Variants in PDE4D observed in about 807,000 individuals in gnomAD.
PDE4D encodes the protein phosphodiesterase 4D, also known as 3',5'-cyclic-AMP phosphodiesterase 4D.
Under a neutral mutation model 87.4 loss-of-function variants are expected in PDE4D, and 24 were observed. The ratio of observed to expected loss-of-function variants is 0.27; its 90% CI spans 0.20 to 0.39. The LOEUF (loss-of-function observed/expected upper bound fraction) is 0.39. Ranked by LOEUF, PDE4D falls within the 10% of genes least tolerant of loss-of-function variation. PDE4D has a pLI of 1.00. For synonymous variants in PDE4D, 384 were observed against 383.2 expected (o/e 1.00, Z -0.02); for missense variants, 714 against 1,041.0 (o/e 0.69, Z 4.32).
chr5:59,284,964 A>C lies in PDE4D; in HGVS notation c.456-68996T>G, dbSNP rs1766599415. Reference sequence around the variant, plus strand: ...ATTCTCAGTAAACTATCGCAAGAACAAAAAACCAAACACCGCATATTCTCA... The same window carrying C: ...ATTCTCAGTAAACTATCGCAAGAACCAAAAACCAAACACCGCATATTCTCA... On this transcript the variant is annotated intron_variant, in intron 1 of 14. Transcript: ENST00000340635. Among the ~76,000 whole-genome samples, 16 of 73,526 alleles carry C rather than the reference A, an allele frequency of 2.2e-4. 1 individual carries two copies. The South Asian group carries it at 9.9e-3, about 45-fold the overall frequency. The allele number at this position is 73,526 out of a possible 152,430, so 48.2% of individuals were successfully genotyped here.
intron 1 of PDE4D, among the ~76,000 whole-genome samples, chr5:59,648,544 T>C (rs1742849571): frequency 6.6e-6 from 1 of 152,156 alleles, no homozygotes; most frequent in African/African-American, 2.4e-5. Context: ...GAAAACACTC[T>C]TAAATATTAA....
At chr5:59,540,215 C>T (rs1488256475) in intron 1 of PDE4D, among the ~76,000 whole-genome samples, 2 of 152,128 alleles carry the variant, frequency 1.3e-5, no homozygotes, top group Non-Finnish European at 2.9e-5. Flanking sequence ...TTCTATCAGG[C>T]ATTTTGACAT....
At chr5:59,607,878 C>A (rs1368393218) in intron 1 of PDE4D, among the ~76,000 whole-genome samples, 1 of 152,060 alleles carries the variant, frequency 6.6e-6, no homozygotes, top group Non-Finnish European at 1.5e-5. Context: ...ATCACTGGTA[C>A]AATAAGAAGA....
chr5:59,439,435 TA>T (rs1427235070), intron 1 of PDE4D, among the ~76,000 whole-genome samples: 1 of 151,108 alleles, frequency 6.6e-6, no homozygotes, highest in Non-Finnish European at 1.5e-5. Flanking sequence ...TGCGCTGCCA[TA>T]AATGGCTTCG....
intron 3 of PDE4D, among the ~76,000 whole-genome samples, chr5:59,958,181 T>C (rs899870988): frequency 6.6e-6 from 1 of 152,166 alleles, no homozygotes; most frequent in African/African-American, 2.4e-5. Context: ...TAATATACAG[T>C]TTAACTGTGA....
At chr5:60,385,462 G>A (rs757721012) in intron 1 of PDE4D, among the ~76,000 whole-genome samples, 12 of 152,170 alleles carry the variant, frequency 7.9e-5, no homozygotes, top group Non-Finnish European at 1.5e-4. Context: ...TTACAGTCTT[G>A]CAAACTTGTA....
intron 1 of PDE4D, among the ~76,000 whole-genome samples, chr5:59,765,491 A>G (rs1445294240): frequency 6.6e-6 from 1 of 152,252 alleles, no homozygotes; most frequent in Non-Finnish European, 1.5e-5. Flanking sequence ...GCCTTGGAAC[A>G]GAGCTATGTT....
intron 1 of PDE4D, among the ~76,000 whole-genome samples, chr5:60,409,422 G>T (rs1741855758): frequency 6.6e-6 from 1 of 152,118 alleles, no homozygotes; most frequent in Non-Finnish European, 1.5e-5. Context: ...TACGTGTCAT[G>T]ATGCCAAGTG....
At chr5:59,197,628 C>A (rs10472096) in intron 2 of PDE4D, among the ~76,000 whole-genome samples, 145,556 of 152,288 alleles carry the variant, frequency 0.96, 70,209 homozygotes, top group African/African-American at 0.99. Flanking sequence ...CAAGTAAAAC[C>A]TATTTTTATT....
intron 2 of PDE4D, among the ~76,000 whole-genome samples, chr5:60,180,916 G>T (rs1784328375): frequency 6.6e-6 from 1 of 152,120 alleles, no homozygotes; most frequent in Admixed American, 6.6e-5. Context: ...ACTTTATTAG[G>T]ATTCTAAGCT....
intron 1 of PDE4D, among the ~76,000 whole-genome samples, chr5:60,376,977 T>C (rs1327784235): frequency 2.0e-5 from 3 of 152,232 alleles, no homozygotes; most frequent in Non-Finnish European, 2.9e-5. Context: ...TATGCATGTA[T>C]GTAATTATTC....
chr5:59,958,126 A>G lies in PDE4D; in HGVS notation c.272+30362T>C, dbSNP rs10472116. Among the ~76,000 whole-genome samples, 525 of 152,274 alleles carry G rather than the reference A, an allele frequency of 3.4e-3. 6 individuals are homozygous for G. The highest frequency in any genetic ancestry group is 3.8e-3 in the Non-Finnish European group (255 of 67,990). On this transcript the variant is annotated intron_variant, in intron 3 of 16. Transcript: ENST00000502484. ...CCCGATTTTTGATTTTGTACATTCA[A>G]ATCATTATAAGTTTTTAGCATACAA...
At chr5:59,653,715 A>G (rs887315181) in intron 1 of PDE4D, among the ~76,000 whole-genome samples, 11 of 152,202 alleles carry the variant, frequency 7.2e-5, no homozygotes, top group Non-Finnish European at 1.0e-4. Flanking sequence ...CTTCAAAATT[A>G]TGAAATTGGA....
Position 59,026,447 on chromosome 5 carries a change from A to T in PDE4D, c.921+12412T>A, listed in dbSNP as rs553008223. 2.2e-3 allele frequency among the ~76,000 whole-genome samples: 338 copies of T among 152,328 alleles called. 1 individual carries two copies. The highest frequency in any genetic ancestry group is 3.8e-3 in the Non-Finnish European group (256 of 68,022). ...ATTAACCAACATCATGCATTCTTGT[A>T]CTAATTTATGTGACTAACTACAAAA... On this transcript the variant is annotated intron_variant, in intron 6 of 14. Coordinates refer to ENST00000340635, the MANE Select transcript of PDE4D (RefSeq NM_001104631.2).
At position 60,037,154 on chromosome 5, in the gene PDE4D, T is replaced by C. The variant is rs374534542; in HGVS notation, c.43-48437A>G. Among the ~76,000 whole-genome samples, 9 of 152,200 alleles carry C rather than the reference T, an allele frequency of 5.9e-5. No homozygotes were observed. In the East Asian group the frequency reaches 9.6e-4, roughly 16 times the overall value. Reference sequence around the variant, plus strand: ...ATGAGAATGTATGTGGATAACACTATCTGGTGGGTAGGGACAGGGAGAGAG... The same window carrying C: ...ATGAGAATGTATGTGGATAACACTACCTGGTGGGTAGGGACAGGGAGAGAG... On this transcript the variant is annotated intron_variant, in intron 2 of 16. Coordinates refer to the PDE4D transcript ENST00000502484.
chr5:59,567,845 A>G (rs1378952986), intron 1 of PDE4D, among the ~76,000 whole-genome samples: 1 of 152,176 alleles, frequency 6.6e-6, no homozygotes, highest in South Asian at 2.1e-4. Context: ...AGATTTGAAA[A>G]TATCAGTATG....
intron 1 of PDE4D, among the ~76,000 whole-genome samples, chr5:60,325,778 G>A (rs185660348): frequency 4.6e-5 from 7 of 152,150 alleles, no homozygotes; most frequent in African/African-American, 1.7e-4. Context: ...GATCTCCCAT[G>A]TTGCCCCTCT....
At chr5:59,101,181 A>G (rs1770674967) in intron 5 of PDE4D, among the ~76,000 whole-genome samples, 1 of 152,134 alleles carries the variant, frequency 6.6e-6, no homozygotes, top group African/African-American at 2.4e-5. Flanking sequence ...ACACAGATAC[A>G]TTAATCCCTC....
intron 1 of PDE4D, among the ~76,000 whole-genome samples, chr5:59,625,736 C>A (rs186278766): frequency 3.2e-3 from 486 of 152,244 alleles, no homozygotes; most frequent in Non-Finnish European, 5.8e-3. Context: ...AAAGAACATT[C>A]TCTTTCAAAA....
Sources: gnomAD v4.1 joint callset for allele counts (sites outside exome capture counted in the v4.1 genomes callset) on GRCh38, gnomAD v4.1.1 for gene constraint, MANE v1.5 for transcripts, NCBI Gene and HGNC (gene_info 2026-07-23, HGNC 2026-07-21) for gene names.